The following CCSER1 variants were observed in gnomAD, a reference collection of about 807,000 sequenced individuals.
CCSER1 encodes serine-rich coiled-coil domain-containing protein 1.
Under a neutral mutation model 82.0 loss-of-function variants are expected in CCSER1, and 41 were observed. That is an observed-to-expected ratio of 0.50 (90% CI 0.39 to 0.65). The LOEUF is 0.65. CCSER1 is among the 30% of genes least tolerant of loss of function. The pLI, the probability that CCSER1 is intolerant of heterozygous loss-of-function variation, is 0.00. For missense variants in CCSER1, 1,119 were observed against 1,064.2 expected (o/e 1.05, Z -0.72); for synonymous variants, 414 against 383.9 (o/e 1.08, Z -0.92).
chr4:91,593,497 A>G (rs192692075), intron 10 of CCSER1, among the ~76,000 whole-genome samples: 9,631 of 73,928 alleles, frequency 0.13, 453 homozygotes, highest in Middle Eastern at 0.29. Flanking sequence ...TTTTTTTAGT[A>G]CAGACAGGGT....
At chr4:90,701,583 C>T (rs1353765187) in intron 6 of CCSER1, among the ~76,000 whole-genome samples, 1 of 152,116 alleles carries the variant, frequency 6.6e-6, no homozygotes, top group African/African-American at 2.4e-5. Context: ...GGCAGTATGG[C>T]CATTTTCACG....
At chr4:90,615,873 A>G (rs1483949615) in intron 5 of CCSER1, among the ~76,000 whole-genome samples, 1 of 152,168 alleles carries the variant, frequency 6.6e-6, no homozygotes, top group African/African-American at 2.4e-5. Context: ...TGCATGCTAC[A>G]GAGAAATCTT....
chr4:90,776,748 A>G (rs570711710), intron 7 of CCSER1, among the ~76,000 whole-genome samples: 5 of 152,326 alleles, frequency 3.3e-5, no homozygotes, highest in South Asian at 2.1e-4. Context: ...TCCCCATTTT[A>G]CAAATGAGGA....
In CCSER1 at chr4:90,992,880, TA is replaced by T. The variant is rs570553322; in HGVS notation, c.2172+69434del. Among the ~76,000 whole-genome samples, 24 of 152,108 alleles carry T rather than the reference TA, an allele frequency of 1.6e-4. 1 individual carries two copies. The South Asian group carries it at 4.8e-3, about 30-fold the overall frequency. ...ACAATCTTATGTAACCATCTAATCA[TA>T]TACCCAAATCATATCCATTCTATTA... is the stretch of plus-strand genomic sequence containing the variant. On this transcript the variant is annotated intron_variant, in intron 9 of 10. Transcript: ENST00000509176.
intron 8 of CCSER1, among the ~76,000 whole-genome samples, chr4:90,830,079 C>A (rs901207850): frequency 1.3e-5 from 2 of 152,300 alleles, no homozygotes; most frequent in East Asian, 3.9e-4. Flanking sequence ...GCCAAATTAT[C>A]GTTTCTAGAG....
intron 1 of CCSER1, among the ~76,000 whole-genome samples, chr4:90,271,854 ATATATATATTTTTTTTT>A (rs1726492059): frequency 3.9e-5 from 1 of 25,682 alleles, no homozygotes. Context: ...ATATATATAT[ATATATATATTTTTTTTT>A]TTTTTTTTTT....
At chr4:91,405,112 G>A (rs1752610871) in intron 10 of CCSER1, among the ~76,000 whole-genome samples, 1 of 152,074 alleles carries the variant, frequency 6.6e-6, no homozygotes, top group Non-Finnish European at 1.5e-5. Flanking sequence ...AGGATAGTTA[G>A]CTCTTCTTGT....
At chr4:90,818,276 T>C (rs1407913454) in intron 8 of CCSER1, among the ~76,000 whole-genome samples, 1 of 151,254 alleles carries the variant, frequency 6.6e-6, no homozygotes, top group East Asian at 1.9e-4. Flanking sequence ...TTTTCTTTTT[T>C]TTCTTTTTTT....
chr4:91,194,796 A>C (rs957740600), intron 10 of CCSER1, among the ~76,000 whole-genome samples: 1 of 152,260 alleles, frequency 6.6e-6, no homozygotes, highest in African/African-American at 2.4e-5. Context: ...GATATTTGTC[A>C]GGATAAGGTC....
chr4:90,438,763 C>A (rs546916308), intron 4 of CCSER1, among the ~76,000 whole-genome samples: 4 of 143,882 alleles, frequency 2.8e-5, no homozygotes, highest in Middle Eastern at 7.7e-3. Flanking sequence ...TTTATAGATT[C>A]TTTTGATATC....
chr4:91,213,316 A>G (rs1311312276), intron 10 of CCSER1, among the ~76,000 whole-genome samples: 1 of 152,038 alleles, frequency 6.6e-6, no homozygotes, highest in Non-Finnish European at 1.5e-5. Context: ...GGGTACTGGG[A>G]AAAACAGAGA....
intron 7 of CCSER1, among the ~76,000 whole-genome samples, chr4:90,787,956 C>G (rs534627683): frequency 1.3e-5 from 2 of 152,324 alleles, no homozygotes; most frequent in South Asian, 4.1e-4. Context: ...GGTTAAACTA[C>G]TGCTACATAC....
intron 1 of CCSER1, among the ~76,000 whole-genome samples, chr4:90,260,014 TTG>T (rs1260432618): frequency 6.6e-6 from 1 of 152,192 alleles, no homozygotes; most frequent in African/African-American, 2.4e-5. Flanking sequence ...TCTTTATCTT[TTG>T]GAATAATTTC....
At chr4:91,424,228 A>T (rs1753846036) in intron 10 of CCSER1, among the ~76,000 whole-genome samples, 1 of 151,184 alleles carries the variant, frequency 6.6e-6, no homozygotes, top group Admixed American at 6.6e-5. Context: ...CTTGTTAGCC[A>T]GGATGGTCTC....
intron 7 of CCSER1, among the ~76,000 whole-genome samples, chr4:90,750,391 C>T (rs932293639): frequency 1.3e-5 from 2 of 152,084 alleles, no homozygotes; most frequent in African/African-American, 4.8e-5. Context: ...TTTTAGCTAA[C>T]CCTCTAGTTG....
chr4:91,243,919 T>C (rs1396273951), intron 10 of CCSER1, among the ~76,000 whole-genome samples: 1 of 152,208 alleles, frequency 6.6e-6, no homozygotes, highest in Admixed American at 6.5e-5. Context: ...GAACCTTATG[T>C]ACCAGCTTGG....
intron 1 of CCSER1, among the ~76,000 whole-genome samples, chr4:90,247,254 G>A (rs149460583): frequency 2.3e-4 from 35 of 152,254 alleles, no homozygotes; most frequent in African/African-American, 8.2e-4. Flanking sequence ...CAAAACTGCA[G>A]CTCCATCCCA....
chr4:90,579,737 A>T (rs1439369997), intron 5 of CCSER1, among the ~76,000 whole-genome samples: 4 of 152,154 alleles, frequency 2.6e-5, no homozygotes, highest in African/African-American at 4.8e-5. Context: ...TGAAACTCAG[A>T]TATTGAGGAA....
At chr4:90,155,192 G>T (rs1727826554) in intron 1 of CCSER1, among the ~76,000 whole-genome samples, 1 of 152,088 alleles carries the variant, frequency 6.6e-6, no homozygotes, top group Admixed American at 6.6e-5. Context: ...TTATTGATTT[G>T]CGTATATTGA....
Sources: allele counts gnomAD v4.1 joint callset (sites outside exome capture counted in the v4.1 genomes callset), GRCh38; gene constraint gnomAD v4.1.1; transcripts MANE v1.5; gene names NCBI Gene and HGNC (gene_info 2026-07-23, HGNC 2026-07-21).